BTBD16: variants seen among roughly 807,000 people sequenced by gnomAD.
The protein encoded by BTBD16 is BTB domain containing 16.
BTBD16 carries 66 observed loss-of-function variants against 67.4 expected under a neutral mutation model. That is an observed-to-expected ratio of 0.98 (90% CI 0.80 to 1.20). The LOEUF (loss-of-function observed/expected upper bound fraction) is 1.20. BTBD16 is among the 50% of genes most tolerant of loss of function. The pLI is 0.00. For synonymous variants in BTBD16, 242 were observed against 236.4 expected (o/e 1.02, Z -0.22); for missense variants, 634 against 616.0 (o/e 1.03, Z -0.31).
chr10:122,324,924 G>A (rs1330603114), intron 10 of BTBD16, among the ~76,000 whole-genome samples: 3 of 152,224 alleles, frequency 2.0e-5, no homozygotes, highest in Admixed American at 6.5e-5. Flanking sequence ...GGGTGTAGGA[G>A]TTTCTTAAAA....
chr10:122,286,219 C>A lies in BTBD16; in HGVS notation c.356C>A (p.Pro119His). The change falls in exon 5 of 16, where the codon CCC becomes CAC. Residue 119 changes from proline to histidine, a missense_variant. Coordinates refer to ENST00000260723, the MANE Select transcript of BTBD16 (RefSeq NM_144587.5). ...LKALAQGTTH[P>H]LRELEELLRA... ...GCCCTGGCGCAGGGCACCACACACC[C>A]CCTGAGGGAGCTGGAGGAGCTTCTG... The A allele has an allele frequency of 6.2e-7, 1 of 1,611,802 alleles. No homozygotes were observed. The highest frequency in any genetic ancestry group is 8.5e-7 in the Non-Finnish European group (1 of 1,178,306).
intron 7 of BTBD16, among the ~76,000 whole-genome samples, chr10:122,294,722 T>C (rs2142072408): frequency 6.6e-6 from 1 of 152,298 alleles, no homozygotes; most frequent in Non-Finnish European, 1.5e-5. Context: ...ACCCCCCACT[T>C]CCCTGAGCCC....
intron 15 of BTBD16, 49 bp downstream of exon 15, chr10:122,336,731 T>C (rs772881195): frequency 8.0e-5 from 119 of 1,478,982 alleles, no homozygotes; most frequent in Middle Eastern, 1.8e-4. Context: ...GCTCTTTCTC[T>C]CCCCCATCCT....
chr10:122,314,821 T>A (rs2096420992), intron 10 of BTBD16, among the ~76,000 whole-genome samples: 2 of 152,240 alleles, frequency 1.3e-5, no homozygotes. Context: ...TCTCTTTCTC[T>A]CCAAATCTTG....
At chr10:122,272,345 T>G (rs1404056204) in intron 1 of BTBD16, among the ~76,000 whole-genome samples, 1 of 152,160 alleles carries the variant, frequency 6.6e-6, no homozygotes, top group South Asian at 2.1e-4. Flanking sequence ...TCTTTTTCTT[T>G]TTTCTTTCCC....
chr10:122,275,565 T>C (rs2096338881), intron 2 of BTBD16, among the ~76,000 whole-genome samples: 1 of 152,200 alleles, frequency 6.6e-6, no homozygotes, highest in African/African-American at 2.4e-5. Flanking sequence ...AGCCTCAGAA[T>C]GTTAAGTAAC....
At chr10:122,276,309 G>A (rs7893615) in intron 2 of BTBD16, among the ~76,000 whole-genome samples, 18,258 of 152,138 alleles carry the variant, frequency 0.12, 1,969 homozygotes, top group African/African-American at 0.29. Flanking sequence ...GTTGCATAAC[G>A]TTGTAAATGT....
intron 9 of BTBD16, chr10:122,303,662 T>G (rs2096398214): frequency 1.1e-6 from 1 of 884,734 alleles, no homozygotes; most frequent in African/African-American, 1.8e-5. Flanking sequence ...CAGTGAAAAA[T>G]AGAGGACAGT....
At chr10:122,283,241 C>T (rs1015268019) in intron 3 of BTBD16, among the ~76,000 whole-genome samples, 8 of 152,170 alleles carry the variant, frequency 5.3e-5, no homozygotes, top group Non-Finnish European at 8.8e-5. Context: ...GGGGCTTAGA[C>T]GAAGGCTATA....
chr10:122,325,132 C>T (rs2096442115), intron 10 of BTBD16, among the ~76,000 whole-genome samples: 1 of 152,166 alleles, frequency 6.6e-6, no homozygotes, highest in Non-Finnish European at 1.5e-5. Flanking sequence ...GCATGTGCAC[C>T]AGGGCTGGCC....
chr10:122,283,873 A>G lies in BTBD16; in HGVS notation c.190A>G (p.Lys64Glu). 6.2e-7 allele frequency: 1 copy of G among 1,614,116 alleles called. No individual in the cohort carries two copies. Among genetic ancestry groups the G allele is most frequent in the Non-Finnish European group, 8.5e-7 (1 of 1,179,964 alleles). ...GAGGTTATGCATTTCACAAATCCAG[A>G]AGTTTTTCTTTGAGAATTTCAAGAA... ...PDRLCISQIQ[K>E]FFFENFKNKD... is the part of the protein sequence containing the mutation. Residue 64 changes from lysine (K) to glutamate (E), a missense_variant, in exon 4 of 16, where the codon AAG (lysine) becomes GAG (glutamate). Physicochemically the swap from Lys to Glu is moderately conservative, Grantham distance 56 (BLOSUM62 1). Coordinates refer to ENST00000260723, the MANE Select transcript of BTBD16 (RefSeq NM_144587.5).
At chr10:122,329,400 A>T in intron 10 of BTBD16, 80 bp from the exon 11 acceptor site, 5 of 1,401,440 alleles carry the variant, frequency 3.6e-6, no homozygotes. Flanking sequence ...AGTCTCTACA[A>T]CATGGCTTTC....
intron 10 of BTBD16, among the ~76,000 whole-genome samples, chr10:122,315,896 G>A (rs2096423316): frequency 6.6e-6 from 1 of 152,038 alleles, no homozygotes; most frequent in African/African-American, 2.4e-5. Context: ...ATATACATAA[G>A]TACCCATAAA....
In BTBD16 at chr10:122,307,214, C is replaced by G. The variant is rs1023456079; in HGVS notation, c.817C>G (p.Leu273Val). Residue 273 changes from leucine to valine, a missense_variant, in exon 10 of 16, where the codon CTT becomes GTT. By Grantham distance (32) the Leu-to-Val change is conservative (BLOSUM62 1). Transcript: ENST00000260723. Reference protein sequence around the residue: ...PRLFTFSEFHLLKTMLLWVFL... With the variant: ...PRLFTFSEFHVLKTMLLWVFL... ...GTTATTTACCTTTAGTGAATTCCAT[C>G]TTCTGAAAACAATGCTTTTGTGGGT... 2.5e-5 allele frequency: 40 copies of G among 1,606,370 alleles called. No homozygotes were observed. The highest frequency in any genetic ancestry group is 3.4e-5 in the Non-Finnish European group (40 of 1,177,800).
At chr10:122,279,959 G>C (rs569941657) in intron 3 of BTBD16, among the ~76,000 whole-genome samples, 1 of 152,178 alleles carries the variant, frequency 6.6e-6, no homozygotes, top group Non-Finnish European at 1.5e-5. Flanking sequence ...ATTGTGCCCA[G>C]CTGGCCAACA....
In BTBD16 at chr10:122,334,494, C is replaced by CTTTTT. The variant is rs869262992; in HGVS notation, c.1165-361_1165-357dup. ...ACAGGTGTGAGCCACCGTGCCCGGC[C>CTTTTT]TTTTTTTTTTTTTTTTTTTTTTTTT... On this transcript the variant is annotated intron_variant, in intron 13 of 15. Coordinates refer to ENST00000260723, the MANE Select transcript of BTBD16 (RefSeq NM_144587.5). Among the ~76,000 whole-genome samples the CTTTTT allele has an allele frequency of 2.4e-3, 102 of 43,282 alleles. 15 individuals are homozygous for CTTTTT. The highest frequency in any genetic ancestry group is 0.012 in the African/African-American group (97 of 8,080). The allele number at this position is 43,282 out of a possible 152,430, so 28.4% of individuals were successfully genotyped here.
intron 1 of BTBD16, 58 bp downstream of exon 1, chr10:122,271,572 C>T (rs1479400201): frequency 2.0e-5 from 3 of 152,250 alleles, no homozygotes; most frequent in African/African-American, 7.2e-5. Context: ...GTCCTAGTGA[C>T]AGGTGCTGTC....
At chr10:122,295,938 AT>A in intron 7 of BTBD16, among the ~76,000 whole-genome samples, 1 of 152,060 alleles carries the variant, frequency 6.6e-6, no homozygotes, top group African/African-American at 2.4e-5. Flanking sequence ...AATACATGAA[AT>A]GAAGCCACAG....
chr10:122,322,116 A>T (rs189246153), intron 10 of BTBD16, among the ~76,000 whole-genome samples: 2 of 151,968 alleles, frequency 1.3e-5, no homozygotes, highest in African/African-American at 4.8e-5. Flanking sequence ...GGTTTATTTT[A>T]TTCATTTTTT....
Sources: allele counts gnomAD v4.1 joint callset (sites outside exome capture counted in the v4.1 genomes callset), GRCh38; gene constraint gnomAD v4.1.1; transcripts MANE v1.5; gene names NCBI Gene and HGNC (gene_info 2026-07-23, HGNC 2026-07-21).